Variants in ILKAP observed in about 807,000 individuals in gnomAD.
The protein encoded by ILKAP is ILK associated serine/threonine phosphatase.
Under a neutral mutation model 49.1 loss-of-function variants are expected in ILKAP, and 11 were observed. That is an observed-to-expected ratio of 0.22 (90% CI 0.14 to 0.37). ILKAP has a LOEUF of 0.37. ILKAP is among the 10% of genes least tolerant of loss of function. ILKAP has a pLI of 1.00. For missense variants in ILKAP, 363 were observed against 510.8 expected (o/e 0.71, Z 2.79); for synonymous variants, 186 against 192.8 (o/e 0.96, Z 0.29).
chr2:238,180,243 G>C (rs1214439325), intron 9 of ILKAP, among the ~76,000 whole-genome samples: 2 of 152,028 alleles, frequency 1.3e-5, no homozygotes. Flanking sequence ...ATGCTGACTA[G>C]ACCCTGGTTT....
rs931873376 is a variant in ILKAP, at chr2:238,183,750, A to G, written c.627-10T>C. ...TTTCCAGGCAGGCTTCCTGGGGGGA[A>G]ACACATCAGAAACACAGTCACCACC... On this transcript the variant is annotated splice_polypyrimidine_tract_variant and intron_variant, in intron 7 of 11. Transcript: ENST00000254654. The G allele has an allele frequency of 3.7e-6, 6 of 1,605,656 alleles. No individual in the cohort carries two copies. Among genetic ancestry groups the G allele is most frequent in the Non-Finnish European group, 5.1e-6 (6 of 1,174,598 alleles).
At chr2:238,181,625 GTT>G (rs61607663) in intron 9 of ILKAP, among the ~76,000 whole-genome samples, 4 of 135,608 alleles carry the variant, frequency 2.9e-5, no homozygotes, top group Admixed American at 8.0e-5. Flanking sequence ...TTTTTTTTTG[GTT>G]TTTTTTTTTT....
chr2:238,194,137 A>G, intron 3 of ILKAP, 138 bp downstream of exon 3: 4 of 633,152 alleles, frequency 6.3e-6, no homozygotes, highest in Non-Finnish European at 1.1e-5. Flanking sequence ...GTGCCTGTTT[A>G]TAGTTTTAGT....
At chr2:238,192,720 A>AAG (rs397804995) in intron 3 of ILKAP, among the ~76,000 whole-genome samples, 5 of 149,424 alleles carry the variant, frequency 3.3e-5, no homozygotes, top group African/African-American at 1.2e-4. Context: ...AAAAAAAAAA[A>AAG]GAATGTGTTA....
chr2:238,175,333 G>A (rs894284316), intron 9 of ILKAP, among the ~76,000 whole-genome samples: 4 of 151,972 alleles, frequency 2.6e-5, no homozygotes, highest in Admixed American at 1.3e-4. Flanking sequence ...GCCTCAAGCA[G>A]TCCTCCCACC....
chr2:238,178,131 A>C (rs1050517960), intron 9 of ILKAP, among the ~76,000 whole-genome samples: 2 of 152,218 alleles, frequency 1.3e-5, no homozygotes, highest in Admixed American at 1.3e-4. Flanking sequence ...GTACTGCTTT[A>C]GTGAGGTATA....
chr2:238,202,865 A>G (rs560976999), intron 1 of ILKAP, among the ~76,000 whole-genome samples: 3 of 145,230 alleles, frequency 2.1e-5, no homozygotes, highest in South Asian at 2.4e-4. Context: ...CTTCAAGGAG[A>G]GGGGGAACTT....
intron 1 of ILKAP, among the ~76,000 whole-genome samples, chr2:238,196,524 G>A (rs888952662): frequency 5.3e-5 from 8 of 152,152 alleles, no homozygotes; most frequent in African/African-American, 1.9e-4. Context: ...ATTGTGCCAG[G>A]CCAAACACCA....
chr2:238,183,238 C>T (rs1261701832), intron 8 of ILKAP, among the ~76,000 whole-genome samples: 1 of 152,160 alleles, frequency 6.6e-6, no homozygotes, highest in Non-Finnish European at 1.5e-5. Context: ...TCTCAAGTTA[C>T]TCTGAAATCA....
In ILKAP at chr2:238,191,278, T is replaced by G. The variant is rs1040432841; in HGVS notation, c.179-1306A>C. On this transcript the variant is annotated intron_variant, in intron 3 of 11. Transcript: ENST00000254654. Reference sequence around the variant, plus strand: ...ATTCTCCTGTCTCAGCCTACAGGAGTGCACCATCACACCCAGCTAATTTTT... The same window carrying G: ...ATTCTCCTGTCTCAGCCTACAGGAGGGCACCATCACACCCAGCTAATTTTT... Among the ~76,000 whole-genome samples the G allele has an allele frequency of 2.6e-5, 4 of 151,732 alleles. No homozygotes were observed. In the South Asian group the frequency reaches 8.3e-4, roughly 32 times the overall value.
At position 238,195,005 on chromosome 2, in the gene ILKAP, CA is replaced by C. The variant is rs1694286198; in HGVS notation, c.56-136del. 9.2e-6 allele frequency: 6 copies of C among 650,082 alleles called. No individual in the cohort carries two copies. In the East Asian group the frequency reaches 1.6e-4, roughly 17 times the overall value. 40.3% of individuals were successfully genotyped at this position (650,082 alleles called of 1,614,324 possible). ...TTCTAATTTTCTCCTTCCTGTTGGGCAAATTTTTAAAACATATTTTCTTAAC... is the reference window on the plus strand; with the variant it reads ...TTCTAATTTTCTCCTTCCTGTTGGGCAATTTTTAAAACATATTTTCTTAAC... On this transcript the variant is annotated intron_variant, in intron 1 of 11. Coordinates refer to ENST00000254654, the MANE Select transcript of ILKAP (RefSeq NM_030768.3).
rs543750506 is a variant in ILKAP at position 238,195,636 on chromosome 2, A to G, written c.56-766T>C. Among the ~76,000 whole-genome samples the G allele has an allele frequency of 2.6e-5, 4 of 152,306 alleles. No homozygotes were observed. In the South Asian group the frequency reaches 6.2e-4, roughly 24 times the overall value. On this transcript the variant is annotated intron_variant, in intron 1 of 11. Coordinates refer to ENST00000254654, the MANE Select transcript of ILKAP (RefSeq NM_030768.3). ...TAAGCTATTAGATATCTGAACTGGC[A>G]CACAAGAATCCAAGTTGAAAGTATA...
chr2:238,173,765 G>A, intron 9 of ILKAP, 112 bp from the exon 10 acceptor site: 1 of 1,223,922 alleles, frequency 8.2e-7, no homozygotes, highest in East Asian at 2.5e-5. Flanking sequence ...ACAGACTGTG[G>A]AATTCACATT....
chr2:238,203,363 C>A (rs1425663680), intron 1 of ILKAP, 136 bp downstream of exon 1: 4 of 230,236 alleles, frequency 1.7e-5, no homozygotes, highest in Non-Finnish European at 7.7e-6. Context: ...CCTGGCCAGG[C>A]AGGAGCAGGC....
intron 6 of ILKAP, among the ~76,000 whole-genome samples, chr2:238,184,608 G>A (rs953077732): frequency 6.6e-6 from 1 of 151,848 alleles, no homozygotes; most frequent in African/African-American, 2.4e-5. Context: ...CACCCAGGCT[G>A]CAGTGCAATG....
At chr2:238,179,007 T>C (rs1693582668) in intron 9 of ILKAP, among the ~76,000 whole-genome samples, 1 of 152,192 alleles carries the variant, frequency 6.6e-6, no homozygotes, top group African/African-American at 2.4e-5. Flanking sequence ...TTCACCACAG[T>C]TGCCAAATTG....
chr2:238,196,944 T>TATAAA (rs1694367930), intron 1 of ILKAP, among the ~76,000 whole-genome samples: 2 of 152,206 alleles, frequency 1.3e-5, no homozygotes, highest in South Asian at 4.1e-4. Context: ...GGCTCACACC[T>TATAAA]ATAATCCCAG....
intron 9 of ILKAP, among the ~76,000 whole-genome samples, chr2:238,178,702 G>A (rs542964061): frequency 6.6e-6 from 1 of 152,282 alleles, no homozygotes; most frequent in South Asian, 2.1e-4. Context: ...AGTGGACATA[G>A]AACTAATGAC....
Position 238,173,670 on chromosome 2 carries a change from A to G in ILKAP, c.837-17T>C. The G allele has an allele frequency of 6.2e-7, 1 of 1,612,474 alleles. No homozygotes were observed. The highest frequency in any genetic ancestry group is 1.1e-5 in the South Asian group (1 of 90,986). On this transcript the variant is annotated splice_polypyrimidine_tract_variant and intron_variant, in intron 9 of 11. Coordinates refer to ENST00000254654, the MANE Select transcript of ILKAP (RefSeq NM_030768.3). ...CGCCCATCCCTAAAATGAGAGGAAAAACATTTCAGACTCTACCTGACAGAT... is the reference window on the plus strand; with the variant it reads ...CGCCCATCCCTAAAATGAGAGGAAAGACATTTCAGACTCTACCTGACAGAT...
Sources: gnomAD v4.1 joint callset for allele counts (sites outside exome capture counted in the v4.1 genomes callset) on GRCh38, gnomAD v4.1.1 for gene constraint, MANE v1.5 for transcripts, NCBI Gene and HGNC (gene_info 2026-07-23, HGNC 2026-07-21) for gene names.